SYT16: variants seen among roughly 807,000 people sequenced by gnomAD.
SYT16 encodes the protein synaptotagmin 16.
Under a neutral mutation model 61.4 loss-of-function variants are expected in SYT16, and 42 were observed. The ratio of observed to expected loss-of-function variants is 0.68; its 90% CI spans 0.53 to 0.89. The LOEUF (loss-of-function observed/expected upper bound fraction) is 0.89, where lower values mean the gene tolerates loss of function less well. SYT16 is among the 40% of genes least tolerant of loss of function. SYT16 has a pLI of 0.00. For synonymous variants in SYT16, 314 were observed against 302.3 expected (o/e 1.04, Z -0.40); for missense variants, 804 against 807.3 (o/e 1.00, Z 0.05).
intron 7 of SYT16, among the ~76,000 whole-genome samples, chr14:62,098,305 G>A (rs2057330010): frequency 6.6e-6 from 1 of 152,142 alleles, no homozygotes; most frequent in African/African-American, 2.4e-5. Context: ...GATTGAATTT[G>A]GGAAACACCC....
At chr14:62,015,757 A>T (rs1443915147) in intron 3 of SYT16, among the ~76,000 whole-genome samples, 1 of 152,196 alleles carries the variant, frequency 6.6e-6, no homozygotes, top group Non-Finnish European at 1.5e-5. Context: ...TTCATGGGAC[A>T]CTGAATCTGC....
intron 1 of SYT16, among the ~76,000 whole-genome samples, chr14:61,839,735 T>C (rs146606488): frequency 8.3e-4 from 126 of 152,318 alleles, no homozygotes; most frequent in African/African-American, 3.0e-3. Context: ...TCGTAATTTA[T>C]TTTTTAGGCC....
intron 1 of SYT16, among the ~76,000 whole-genome samples, chr14:61,844,579 G>T (rs537394711): frequency 6.6e-6 from 1 of 152,066 alleles, no homozygotes; most frequent in African/African-American, 2.4e-5. Flanking sequence ...TTTTTTTAGA[G>T]TTTTTATCAT....
At chr14:61,849,016 G>A (rs1449417128) in intron 1 of SYT16, among the ~76,000 whole-genome samples, 2 of 152,166 alleles carry the variant, frequency 1.3e-5, no homozygotes, top group African/African-American at 4.8e-5. Flanking sequence ...GGGCTTTTTA[G>A]TCAATAGGTG....
rs1000521808 is a variant in SYT16, at chr14:62,105,332, A to G, written c.*4625A>G. Reference sequence around the variant, plus strand: ...TTGGTGACAATGGCAGTTTGACTACATATTTCAACTGTGATCCAAAAAAGT... The same window carrying G: ...TTGGTGACAATGGCAGTTTGACTACGTATTTCAACTGTGATCCAAAAAAGT... On this transcript the variant is annotated 3_prime_UTR_variant, in exon 8 of 8. Coordinates refer to ENST00000683842, the MANE Select transcript of SYT16 (RefSeq NM_001367656.1). 1 of 152,220 alleles carries G rather than the reference A, an allele frequency of 6.6e-6. No homozygotes were observed. The highest frequency in any genetic ancestry group is 1.5e-5 in the Non-Finnish European group (1 of 68,040). 9.4% of individuals were successfully genotyped at this position (152,220 alleles called of 1,614,324 possible).
At chr14:62,033,654 T>C (rs971273532) in intron 3 of SYT16, among the ~76,000 whole-genome samples, 1 of 151,968 alleles carries the variant, frequency 6.6e-6, no homozygotes, top group Admixed American at 6.6e-5. Flanking sequence ...GATTTATGAA[T>C]ATATAATTAA....
chr14:61,830,895 GA>G (rs1888528347), intron 1 of SYT16, among the ~76,000 whole-genome samples: 1 of 152,200 alleles, frequency 6.6e-6, no homozygotes, highest in Admixed American at 6.5e-5. Context: ...GCCAGGCAAG[GA>G]TGGTCAACAG....
chr14:61,837,848 T>C (rs1353831411), intron 1 of SYT16, among the ~76,000 whole-genome samples: 4 of 152,222 alleles, frequency 2.6e-5, no homozygotes, highest in Admixed American at 1.3e-4. Flanking sequence ...TATGTCTTTC[T>C]CAGTATCCAG....
intron 1 of SYT16, among the ~76,000 whole-genome samples, chr14:61,949,698 G>A (rs938928976): frequency 6.6e-6 from 1 of 152,186 alleles, no homozygotes; most frequent in African/African-American, 2.4e-5. Context: ...TGCGGCAATA[G>A]GTGAGGCTCA....
At chr14:61,914,212 G>A (rs1018608986) in intron 1 of SYT16, among the ~76,000 whole-genome samples, 2 of 152,108 alleles carry the variant, frequency 1.3e-5, no homozygotes, top group African/African-American at 4.8e-5. Flanking sequence ...TGAAAACTCA[G>A]GACCAAGCAA....
chr14:61,978,624 A>T (rs1350036701), intron 2 of SYT16, among the ~76,000 whole-genome samples: 4 of 152,208 alleles, frequency 2.6e-5, no homozygotes, highest in Non-Finnish European at 5.9e-5. Context: ...GTGGAGAACC[A>T]TTGATGAAAA....
chr14:61,812,554 C>T (rs1361295523), upstream of SYT16, among the ~76,000 whole-genome samples: 2 of 150,772 alleles, frequency 1.3e-5, no homozygotes, highest in Non-Finnish European at 3.0e-5. Context: ...CCTCTAGGCG[C>T]CGCAGCTCGG....
chr14:61,850,399 T>G (rs1380654667), intron 1 of SYT16, among the ~76,000 whole-genome samples: 1 of 152,018 alleles, frequency 6.6e-6, no homozygotes, highest in East Asian at 1.9e-4. Context: ...CCTCCCAGAG[T>G]GCTGGGATTA....
chr14:61,892,917 C>T (rs146593591), intron 1 of SYT16, among the ~76,000 whole-genome samples: 230 of 151,476 alleles, frequency 1.5e-3, no homozygotes, highest in Non-Finnish European at 2.2e-3. Context: ...TTTTTTTTTC[C>T]TTCCCTTTGC....
chr14:61,995,131 G>A (rs1234573807), intron 2 of SYT16, among the ~76,000 whole-genome samples: 2 of 152,014 alleles, frequency 1.3e-5, no homozygotes, highest in African/African-American at 4.8e-5. Flanking sequence ...TTTAGCTCTG[G>A]GGTCTTCATA....
intron 1 of SYT16, among the ~76,000 whole-genome samples, 157 bp from the exon 2 acceptor site, chr14:61,969,975 T>C (rs1250491146): frequency 6.6e-6 from 1 of 152,214 alleles, no homozygotes; most frequent in Non-Finnish European, 1.5e-5. Flanking sequence ...GTACACAGTC[T>C]TGGGGGATGT....
chr14:62,041,828 T>TA (rs1278409386), intron 3 of SYT16, among the ~76,000 whole-genome samples: 4 of 152,206 alleles, frequency 2.6e-5, no homozygotes, highest in East Asian at 1.9e-4. Context: ...TCATGTTTCT[T>TA]ACGTTGATTA....
intron 1 of SYT16, among the ~76,000 whole-genome samples, chr14:61,969,851 A>G (rs148275072): frequency 6.6e-6 from 1 of 152,294 alleles, no homozygotes; most frequent in Non-Finnish European, 1.5e-5. Flanking sequence ...GGACAGGAGC[A>G]AGAAGAGTTG....
chr14:61,941,267 C>T (rs1055550057), intron 1 of SYT16, among the ~76,000 whole-genome samples: 1 of 152,132 alleles, frequency 6.6e-6, no homozygotes, highest in South Asian at 2.1e-4. Flanking sequence ...TTAGTGATGC[C>T]TCGTTAAATG....
Sources: allele counts gnomAD v4.1 joint callset (sites outside exome capture counted in the v4.1 genomes callset), GRCh38; gene constraint gnomAD v4.1.1; transcripts MANE v1.5; gene names NCBI Gene and HGNC (gene_info 2026-07-23, HGNC 2026-07-21).